The following ROBO1 variants were observed in gnomAD, a reference collection of about 807,000 sequenced individuals.
ROBO1 encodes the protein roundabout guidance receptor 1.
A neutral mutation model predicts 195.9 loss-of-function variants in ROBO1; 149 were observed. The observed-to-expected ratio is 0.76, with a 90% CI of 0.67 to 0.87. The LOEUF (loss-of-function observed/expected upper bound fraction) is 0.87. Among genes scored for constraint, ROBO1 ranks in the 40% least tolerant of loss-of-function variants. ROBO1 has a pLI of 0.00. For synonymous variants in ROBO1, 816 were observed against 733.2 expected (o/e 1.11, Z -1.82); for missense variants, 1,933 against 2,068.3 (o/e 0.93, Z 1.27).
intron 3 of ROBO1, among the ~76,000 whole-genome samples, chr3:79,067,976 G>A (rs917295250): frequency 2.0e-5 from 3 of 151,830 alleles, no homozygotes; most frequent in Non-Finnish European, 4.4e-5. Context: ...TACCTAGTCG[G>A]ACTCTCCCTA....
intron 3 of ROBO1, among the ~76,000 whole-genome samples, chr3:78,955,717 T>C (rs2041015568): frequency 6.6e-6 from 1 of 152,208 alleles, no homozygotes; most frequent in African/African-American, 2.4e-5. Flanking sequence ...GGTGAGTTAC[T>C]AATGTCTGCA....
At chr3:79,479,216 G>A (rs1023534807) in intron 2 of ROBO1, among the ~76,000 whole-genome samples, 1 of 152,174 alleles carries the variant, frequency 6.6e-6, no homozygotes, top group African/African-American at 2.4e-5. Flanking sequence ...CACCTGGGGC[G>A]GATTTCGTGG....
At chr3:78,664,351 T>C (rs1575873391) in intron 14 of ROBO1, among the ~76,000 whole-genome samples, 1 of 152,164 alleles carries the variant, frequency 6.6e-6, no homozygotes, top group African/African-American at 2.4e-5. Context: ...GACATCATCT[T>C]AGGTATGATA....
At chr3:79,599,301 A>C (rs2107857345) in intron 1 of ROBO1, among the ~76,000 whole-genome samples, 1 of 152,176 alleles carries the variant, frequency 6.6e-6, no homozygotes, top group Non-Finnish European at 1.5e-5. Context: ...AGCATGTTAA[A>C]GCCAGCAGTT....
chr3:79,076,415 C>T (rs1276111615), intron 3 of ROBO1, among the ~76,000 whole-genome samples: 1 of 150,586 alleles, frequency 6.6e-6, no homozygotes, highest in Non-Finnish European at 1.5e-5. Flanking sequence ...AAACTCAAAC[C>T]CAGTAGTGTA....
intron 1 of ROBO1, among the ~76,000 whole-genome samples, chr3:79,662,704 T>C (rs1014541464): frequency 6.6e-6 from 1 of 152,082 alleles, no homozygotes; most frequent in Non-Finnish European, 1.5e-5. Flanking sequence ...AAATTCCCAG[T>C]GGACCCCACC....
chr3:79,362,652 T>A (rs35555947), intron 2 of ROBO1, among the ~76,000 whole-genome samples: 1 of 152,128 alleles, frequency 6.6e-6, no homozygotes, highest in African/African-American at 2.4e-5. Flanking sequence ...TCTTTTTTGG[T>A]TTTGAGATAA....
At chr3:79,390,510 G>A (rs2036908971) in intron 2 of ROBO1, among the ~76,000 whole-genome samples, 1 of 152,164 alleles carries the variant, frequency 6.6e-6, no homozygotes, top group East Asian at 1.9e-4. Flanking sequence ...TAGCTGACAA[G>A]GTAGGAAGAA....
chr3:79,592,997 GCC>G (rs1944054400), intron 1 of ROBO1, among the ~76,000 whole-genome samples: 1 of 151,968 alleles, frequency 6.6e-6, no homozygotes, highest in Non-Finnish European at 1.5e-5. Context: ...AGAGTATACA[GCC>G]TTTTAAAATT....
Position 79,036,813 on chromosome 3 carries a change from T to C in ROBO1, c.172+88643A>G, listed in dbSNP as rs188118650. ...CTGGGGTATGGCTCACATTACACTA[T>C]GCTGGATATGAAAAGTTGAACACAC... On this transcript the variant is annotated intron_variant, in intron 3 of 30. Coordinates refer to ENST00000464233, the MANE Select transcript of ROBO1 (RefSeq NM_002941.4). Among the ~76,000 whole-genome samples, 8 of 152,304 alleles carry C rather than the reference T, an allele frequency of 5.3e-5. No individual in the cohort carries two copies. In the East Asian group the frequency reaches 1.5e-3, roughly 29 times the overall value.
chr3:78,626,286 G>T (rs1704775279), intron 26 of ROBO1, among the ~76,000 whole-genome samples: 1 of 152,090 alleles, frequency 6.6e-6, no homozygotes. Context: ...CATTCCATGG[G>T]TTAATAATAT....
chr3:79,267,323 T>G (rs1027045511), intron 2 of ROBO1, among the ~76,000 whole-genome samples: 2 of 151,576 alleles, frequency 1.3e-5, no homozygotes, highest in African/African-American at 4.8e-5. Context: ...GAACTAATCT[T>G]GCCACTCCAT....
intron 3 of ROBO1, among the ~76,000 whole-genome samples, chr3:79,078,986 C>A (rs1252085861): frequency 1.3e-5 from 2 of 151,664 alleles, no homozygotes; most frequent in Non-Finnish European, 3.0e-5. Context: ...AGATAGAAAT[C>A]ATCTTAGAAA....
intron 3 of ROBO1, among the ~76,000 whole-genome samples, chr3:78,978,921 T>C (rs1003963026): frequency 3.5e-4 from 53 of 152,344 alleles, no homozygotes; most frequent in Admixed American, 7.8e-4. Flanking sequence ...ATTAGTACTC[T>C]TCAAGTTCTG....
chr3:78,720,507 T>C (rs1262088130), intron 5 of ROBO1, among the ~76,000 whole-genome samples: 1 of 152,184 alleles, frequency 6.6e-6, no homozygotes, highest in African/African-American at 2.4e-5. Context: ...GACTGTAAAC[T>C]AGTTCAACCA....
chr3:79,715,712 T>C (rs1026869769), intron 1 of ROBO1, among the ~76,000 whole-genome samples: 2 of 152,140 alleles, frequency 1.3e-5, no homozygotes, highest in Non-Finnish European at 2.9e-5. Flanking sequence ...ATATAATTTA[T>C]GCTATGTGCC....
intron 3 of ROBO1, among the ~76,000 whole-genome samples, chr3:79,053,385 G>C (rs904407928): frequency 1.3e-5 from 2 of 151,970 alleles, no homozygotes; most frequent in African/African-American, 4.8e-5. Context: ...TTTTCATGAA[G>C]AGCTGGTACT....
chr3:79,088,612 A>T (rs1313929355), intron 3 of ROBO1, among the ~76,000 whole-genome samples: 2 of 152,152 alleles, frequency 1.3e-5, no homozygotes, highest in Non-Finnish European at 2.9e-5. Context: ...TTTACTTAAC[A>T]ACAAAAGGAT....
At chr3:79,446,692 T>C (rs1473643016) in intron 2 of ROBO1, among the ~76,000 whole-genome samples, 1 of 152,220 alleles carries the variant, frequency 6.6e-6, no homozygotes, top group Non-Finnish European at 1.5e-5. Context: ...GAAGTGGGTA[T>C]GAAATATTTG....
Sources: gnomAD v4.1 joint callset for allele counts (sites outside exome capture counted in the v4.1 genomes callset) on GRCh38, gnomAD v4.1.1 for gene constraint, MANE v1.5 for transcripts, NCBI Gene and HGNC (gene_info 2026-07-23, HGNC 2026-07-21) for gene names.